SCNN1B: variants seen among roughly 807,000 people sequenced by gnomAD.
The protein encoded by SCNN1B is epithelial sodium channel subunit beta.
A neutral mutation model predicts 65.3 loss-of-function variants in SCNN1B; 46 were observed. That is an observed-to-expected ratio of 0.70 (90% confidence interval 0.56 to 0.90). The LOEUF (loss-of-function observed/expected upper bound fraction) is 0.90, where lower values mean the gene tolerates loss of function less well. SCNN1B is among the 40% of genes least tolerant of loss of function. The pLI, the probability that SCNN1B is intolerant of heterozygous loss-of-function variation, is 0.00. For synonymous variants in SCNN1B, 349 were observed against 330.6 expected, an observed-to-expected ratio of 1.06 and a Z score of -0.60; for missense variants, 751 against 830.5, an observed-to-expected ratio of 0.90 and a Z score of 1.18.
intron 6 of SCNN1B, 147 bp downstream of exon 6, chr16:23,371,609 G>A: frequency 2.8e-6 from 3 of 1,075,018 alleles, no homozygotes; most frequent in South Asian, 1.4e-5. Context: ...CCCCAGGGTG[G>A]CCCAAGCTTT....
intron 1 of SCNN1B, among the ~76,000 whole-genome samples, chr16:23,314,063 A>G (rs759194885): frequency 5.3e-5 from 8 of 152,220 alleles, no homozygotes; most frequent in Non-Finnish European, 1.2e-4. Context: ...TCTGTTGCCC[A>G]GGCTGGAATG....
At chr16:23,365,595 A>AGAGAG in intron 4 of SCNN1B, among the ~76,000 whole-genome samples, 1 of 58,398 alleles carries the variant, frequency 1.7e-5, no homozygotes, top group Non-Finnish European at 3.5e-5. Flanking sequence ...AAGAGAAAGA[A>AGAGAG]AGAAAGAAAG....
In SCNN1B at chr16:23,289,773, T is replaced by A. The variant is rs1426437834; in HGVS notation, n.178+5969T>A. 5.3e-5 allele frequency among the ~76,000 whole-genome samples: 8 copies of A among 151,708 alleles called. No individual in the cohort carries two copies. The East Asian group carries it at 1.6e-3, about 30-fold the overall frequency. On this transcript the variant is annotated intron_variant and non_coding_transcript_variant, in intron 2 of 3. Transcript: ENST00000569789. ...TCACTGCAACCTCTGCCTCTGGGATTCAAGCGATTCTCCTGCCTCAGCCTC... is the reference window on the plus strand; with the variant it reads ...TCACTGCAACCTCTGCCTCTGGGATACAAGCGATTCTCCTGCCTCAGCCTC...
At position 23,343,475 on chromosome 16, in the gene SCNN1B, A is replaced by AAAGGAAGGAAGGAAGGAAGGAAGGAAGG. The variant is rs569501062; in HGVS notation, c.-8-5110_-8-5083dup. Among the ~76,000 whole-genome samples the AAAGGAAGGAAGGAAGGAAGGAAGGAAGG allele has an allele frequency of 8.8e-4, 99 of 113,130 alleles. 10 individuals carry two copies. The highest frequency in any genetic ancestry group is 5.2e-3 in the African/African-American group (94 of 18,168). The allele number at this position is 113,130 out of a possible 152,430, so 74.2% of individuals were successfully genotyped here. On this transcript the variant is annotated intron_variant, in intron 1 of 12. Transcript: ENST00000343070. ...CAAAAATAAAAAAAGGAAAAGAAAG[A>AAAGGAAGGAAGGAAGGAAGGAAGGAAGG]AAGGAAGGAAGGAAGGAAGGAAGGA...
chr16:23,311,398 T>C (rs1014654009), intron 1 of SCNN1B, among the ~76,000 whole-genome samples: 3 of 152,180 alleles, frequency 2.0e-5, no homozygotes, highest in Non-Finnish European at 4.4e-5. Flanking sequence ...TTGGACTCAT[T>C]TGAGGACCTT....
chr16:23,307,776 G>A (rs1018020976), intron 1 of SCNN1B, among the ~76,000 whole-genome samples: 12 of 152,176 alleles, frequency 7.9e-5, no homozygotes, highest in African/African-American at 2.2e-4. Flanking sequence ...AATGCCAGGC[G>A]CAGTGGCCAT....
Position 23,371,430 on chromosome 16 carries a change from T to C in SCNN1B, c.1012T>C (p.Ser338Pro). The change falls in exon 6 of 13, where the codon TCG (serine) becomes CCG (proline). Residue 338 changes from serine (S) to proline (P), a missense_variant. Ser to Pro is a moderately conservative substitution (Grantham distance 74). Transcript: ENST00000343070. ...CAGAGATGAGGGCATCTACGCCATG[T>C]CGGGGACAGAGACGTCCATCGGGGT... ...FIRDEGIYAM[S>P]GTETSIGVLV... 1 of 1,614,044 alleles carries C rather than the reference T, an allele frequency of 6.2e-7. No homozygotes were observed. The highest frequency in any genetic ancestry group is 2.2e-5 in the East Asian group (1 of 44,854).
chr16:23,301,687 T>C (rs1961087761), upstream of SCNN1B, among the ~76,000 whole-genome samples: 1 of 151,932 alleles, frequency 6.6e-6, no homozygotes, highest in African/African-American at 2.4e-5. Flanking sequence ...ACAGGTGTAG[T>C]GGGCACTCCA....
chr16:23,316,030 C>CACCATCGCCATCCTT (rs1961448720), intron 1 of SCNN1B, among the ~76,000 whole-genome samples: 1 of 151,234 alleles, frequency 6.6e-6, no homozygotes, highest in East Asian at 1.9e-4. Context: ...TCATCACCAT[C>CACCATCGCCATCCTT]ACCATCGCCA....
In SCNN1B at chr16:23,374,617, C is replaced by G. The variant is rs965896476; in HGVS notation, c.1153-1121C>G. 2.0e-5 allele frequency among the ~76,000 whole-genome samples: 3 copies of G among 151,070 alleles called. No homozygotes were observed. In the East Asian group the frequency reaches 5.8e-4, roughly 29 times the overall value. On this transcript the variant is annotated intron_variant, in intron 7 of 12. Transcript: ENST00000343070. ...AAAAAAAGAATGTAAAACACTTGCC[C>G]GAAACCGAGCTCTGGCTCCTCCTGG...
At chr16:23,343,606 A>AGAAG (rs899992453) in intron 1 of SCNN1B, among the ~76,000 whole-genome samples, 17 of 119,738 alleles carry the variant, frequency 1.4e-4, no homozygotes, top group East Asian at 9.3e-4. Context: ...AAAGAAAGAA[A>AGAAG]GAAAGAAAGA....
At chr16:23,319,685 G>A (rs992643465) in intron 1 of SCNN1B, among the ~76,000 whole-genome samples, 2 of 152,074 alleles carry the variant, frequency 1.3e-5, no homozygotes, top group African/African-American at 4.8e-5. Context: ...GCCCTTTCCC[G>A]AAAAAGTTTG....
chr16:23,375,209 G>A (rs1962868512), intron 7 of SCNN1B, among the ~76,000 whole-genome samples: 1 of 152,066 alleles, frequency 6.6e-6, no homozygotes, highest in Non-Finnish European at 1.5e-5. Context: ...AGACCAGTGG[G>A]CCACTCACTT....
chr16:23,377,384 G>T lies in SCNN1B; in HGVS notation c.1402G>T (p.Glu468Ter). The change falls in exon 10 of 13, where the codon GAG (glutamate) becomes TAG (stop). Residue 468 changes from glutamate to a stop codon, truncating the protein, a stop_gained and splice_region_variant. Transcript: ENST00000343070. LOFTEE classifies it high-confidence loss of function. Reference sequence around the variant, plus strand: ...GGCTGACTGGCCTTCTGAGGCCTCCGAGGTGAGACAGTTGGGGGCCAAGCT... The same window carrying T: ...GGCTGACTGGCCTTCTGAGGCCTCCTAGGTGAGACAGTTGGGGGCCAAGCT... ...SMADWPSEASEDWIFHVLSQE... is the reference protein window; with the variant it reads ...SMADWPSEAS The T allele has an allele frequency of 6.2e-7, 1 of 1,614,084 alleles. No individual in the cohort carries two copies.
chr16:23,313,462 C>G (rs1046957160), intron 1 of SCNN1B, among the ~76,000 whole-genome samples: 4 of 152,172 alleles, frequency 2.6e-5, no homozygotes, highest in Admixed American at 2.0e-4. Context: ...CTGGGAACCC[C>G]GTTGTTTTGT....
At chr16:23,360,591 GTTTTTTTTTTTT>G (rs35772167) in intron 4 of SCNN1B, among the ~76,000 whole-genome samples, 3 of 95,262 alleles carry the variant, frequency 3.1e-5, no homozygotes, top group African/African-American at 1.2e-4. Context: ...GGTGGTGGTG[GTTTTTTTTTTTT>G]TTTTTTTTTT....
upstream of SCNN1B, among the ~76,000 whole-genome samples, chr16:23,300,276 C>T (rs1415444381): frequency 1.3e-5 from 2 of 151,954 alleles, no homozygotes; most frequent in Non-Finnish European, 2.9e-5. Context: ...ACCACCATGG[C>T]ACGTGTATAC....
At chr16:23,350,939 C>T (rs1962296825) in intron 2 of SCNN1B, among the ~76,000 whole-genome samples, 1 of 151,368 alleles carries the variant, frequency 6.6e-6, no homozygotes, top group African/African-American at 2.4e-5. Context: ...AGAAAGAAAG[C>T]AAAAGAAAGT....
chr16:23,360,149 G>T (rs1251551583), intron 4 of SCNN1B, among the ~76,000 whole-genome samples: 3 of 151,972 alleles, frequency 2.0e-5, no homozygotes, highest in African/African-American at 7.3e-5. Flanking sequence ...AGTGAGCTGA[G>T]ATCATGCCAC....
Sources: gnomAD v4.1 joint callset for allele counts (sites outside exome capture counted in the v4.1 genomes callset) on GRCh38, gnomAD v4.1.1 for gene constraint, MANE v1.5 for transcripts, NCBI Gene and HGNC (gene_info 2026-07-23, HGNC 2026-07-21) for gene names.